Variants in COA1 observed in about 807,000 individuals in gnomAD.
The protein encoded by COA1 is cytochrome c oxidase assembly factor 1 homolog.
In COA1, 13 loss-of-function variants were observed where a neutral mutation model predicts 16.0. The observed-to-expected ratio is 0.81, with a 90% CI of 0.53 to 1.29. The LOEUF (loss-of-function observed/expected upper bound fraction) is 1.29, where lower values mean the gene tolerates loss of function less well. Among genes scored for constraint, COA1 ranks in the 50% most tolerant of loss-of-function variants. The pLI, the probability that COA1 is intolerant of heterozygous loss-of-function variation, is 0.00. For missense variants in COA1, 179 were observed against 177.0 expected (o/e 1.01, Z -0.06); for synonymous variants, 65 against 65.7 (o/e 0.99, Z 0.05).
chr7:43,681,196 T>C (rs2093755283), intron 1 of COA1, among the ~76,000 whole-genome samples: 1 of 152,214 alleles, frequency 6.6e-6, no homozygotes, highest in Non-Finnish European at 1.5e-5. Flanking sequence ...GTATATAGGA[T>C]TGACTCCATT....
At chr7:43,716,070 CTT>C (rs2095387291) in intron 1 of COA1, among the ~76,000 whole-genome samples, 1 of 152,196 alleles carries the variant, frequency 6.6e-6, no homozygotes, top group African/African-American at 2.4e-5. Flanking sequence ...AATTAAACCT[CTT>C]TCTTTTGTAA....
Position 43,641,346 on chromosome 7 carries a change from A to G in COA1, c.265-697T>C, listed in dbSNP as rs1214939313. 2.6e-5 allele frequency: 4 copies of G among 151,788 alleles called. No homozygotes were observed. In the East Asian group the frequency reaches 7.7e-4, roughly 29 times the overall value. 9.4% of individuals were successfully genotyped at this position (151,788 alleles called of 1,614,324 possible). ...AAAAAAAAAAAAACCAGGAACCATA[A>G]CAAATATTAAACTCTACTTAATGAT... On this transcript the variant is annotated intron_variant, in intron 4 of 5. Coordinates refer to ENST00000223336, the MANE Select transcript of COA1 (RefSeq NM_018224.4).
chr7:43,684,391 T>C (rs1188693235), intron 1 of COA1, among the ~76,000 whole-genome samples: 17 of 152,192 alleles, frequency 1.1e-4, no homozygotes, highest in Non-Finnish European at 1.5e-5. Flanking sequence ...CTCTGTAGCC[T>C]GAGCTTTCTT....
intron 1 of COA1, among the ~76,000 whole-genome samples, chr7:43,728,155 T>C (rs370485538): frequency 5.8e-4 from 89 of 152,222 alleles, no homozygotes; most frequent in African/African-American, 2.1e-3. Flanking sequence ...TTTGTATTTT[T>C]AGTGGAGACG....
intron 1 of COA1, among the ~76,000 whole-genome samples, chr7:43,707,727 G>A (rs2095050698): frequency 6.6e-6 from 1 of 152,090 alleles, no homozygotes; most frequent in Non-Finnish European, 1.5e-5. Context: ...CAGTACAGTA[G>A]TCCACGTTTG....
chr7:43,612,343 G>T (rs1340931024), intron 6 of COA1, among the ~76,000 whole-genome samples: 2 of 152,182 alleles, frequency 1.3e-5, no homozygotes, highest in Non-Finnish European at 2.9e-5. Context: ...ATGCGGGAGT[G>T]ATTTCTACTA....
At chr7:43,707,421 C>T (rs953103446) in intron 1 of COA1, among the ~76,000 whole-genome samples, 1 of 151,964 alleles carries the variant, frequency 6.6e-6, no homozygotes, top group Non-Finnish European at 1.5e-5. Flanking sequence ...AATGTTCAGC[C>T]CCATGAATTA....
chr7:43,624,921 C>T (rs1166922451), intron 6 of COA1: 1 of 1,258,436 alleles, frequency 7.9e-7, no homozygotes, highest in African/African-American at 1.5e-5. Flanking sequence ...CCAAATGGTA[C>T]ATGTACTGGA....
intron 1 of COA1, among the ~76,000 whole-genome samples, chr7:43,702,589 T>TG (rs898185387): frequency 1.3e-5 from 2 of 152,116 alleles, no homozygotes; most frequent in African/African-American, 4.8e-5. Context: ...GGTTCAATCT[T>TG]GGGGGGTTGT....
chr7:43,712,170 T>C (rs984422125), intron 1 of COA1, among the ~76,000 whole-genome samples: 6 of 152,094 alleles, frequency 3.9e-5, no homozygotes, highest in African/African-American at 1.2e-4. Flanking sequence ...TGGAGTACAA[T>C]GGCACAATCT....
At chr7:43,707,886 A>G (rs2131614726) in intron 1 of COA1, among the ~76,000 whole-genome samples, 1 of 152,360 alleles carries the variant, frequency 6.6e-6, no homozygotes, top group East Asian at 1.9e-4. Flanking sequence ...GTAAAATTAC[A>G]AAGTCACAGA....
intron 1 of COA1, among the ~76,000 whole-genome samples, chr7:43,728,054 A>AG (rs2095654524): frequency 1.3e-5 from 2 of 149,614 alleles, no homozygotes; most frequent in African/African-American, 4.9e-5. Context: ...GGCTCACTGC[A>AG]AGCTCCACCT....
intron 1 of COA1, among the ~76,000 whole-genome samples, chr7:43,714,872 G>A (rs182877892): frequency 1.5e-4 from 23 of 151,632 alleles, no homozygotes; most frequent in Non-Finnish European, 2.8e-4. Flanking sequence ...GCTGGACATG[G>A]TGGTGCACAC....
At chr7:43,624,554 C>G (rs764769769) in intron 6 of COA1, 4 of 1,613,816 alleles carry the variant, frequency 2.5e-6, no homozygotes, top group Non-Finnish European at 2.5e-6. Context: ...TAAAGCACCC[C>G]TGGTTGACAC....
At chr7:43,726,152 A>G (rs536708850) in intron 1 of COA1, among the ~76,000 whole-genome samples, 7 of 152,210 alleles carry the variant, frequency 4.6e-5, no homozygotes, top group Non-Finnish European at 1.0e-4. Context: ...GGATAAAAGA[A>G]TAACTTCTTG....
intron 1 of COA1, among the ~76,000 whole-genome samples, chr7:43,697,655 G>T (rs1228643511): frequency 6.6e-6 from 1 of 152,178 alleles, no homozygotes; most frequent in East Asian, 1.9e-4. Context: ...TAATTGAAAT[G>T]AATGGTAAAG....
chr7:43,692,474 C>A (rs951967653), intron 1 of COA1, among the ~76,000 whole-genome samples: 2 of 151,914 alleles, frequency 1.3e-5, no homozygotes, highest in Admixed American at 1.3e-4. Context: ...GCCATGATCT[C>A]GTCACTGCAC....
chr7:43,665,760 A>C (rs1196538381), intron 1 of COA1: 2 of 152,282 alleles, frequency 1.3e-5, no homozygotes, highest in Non-Finnish European at 2.9e-5. Flanking sequence ...TGAAAAGCCC[A>C]GAGGAAAGCC....
chr7:43,696,827 C>CA (rs34951777), intron 1 of COA1, among the ~76,000 whole-genome samples: 22,307 of 151,810 alleles, frequency 0.15, 2,188 homozygotes, highest in Non-Finnish European at 0.21. Context: ...TCTTTCTTTA[C>CA]AAAAAAGAAA....
Sources: allele counts gnomAD v4.1 joint callset (sites outside exome capture counted in the v4.1 genomes callset), GRCh38; gene constraint gnomAD v4.1.1; transcripts MANE v1.5; gene names NCBI Gene and HGNC (gene_info 2026-07-23, HGNC 2026-07-21).